The following MAP3K15 variants were observed in gnomAD, a reference collection of about 807,000 sequenced individuals.
MAP3K15 encodes the protein MAPK/ERK kinase kinase 15.
Under a neutral mutation model 99.5 loss-of-function variants are expected in MAP3K15, and 124 were observed. That is an observed-to-expected ratio of 1.25 (90% CI 1.08 to 1.45). MAP3K15 has a LOEUF of 1.45. Ranked by LOEUF, MAP3K15 falls within the 40% of genes most tolerant of loss-of-function variation. MAP3K15 has a pLI of 0.00. For missense variants in MAP3K15, 1,242 were observed against 1,079.7 expected (o/e 1.15, Z -2.11); for synonymous variants, 494 against 439.6 (o/e 1.12, Z -1.55).
At chrX:19,405,061 C>T (rs2063637641) in intron 13 of MAP3K15, among the ~76,000 whole-genome samples, 2 of 110,506 alleles carry the variant, frequency 1.8e-5, no homozygotes, top group African/African-American at 6.6e-5. Flanking sequence ...GTGATACCAT[C>T]GAGAGAGTGA....
intron 1 of MAP3K15, among the ~76,000 whole-genome samples, chrX:19,501,134 T>C (rs2064437636): frequency 9.0e-6 from 1 of 111,470 alleles, no homozygotes; most frequent in Non-Finnish European, 1.9e-5. Context: ...GGTCCAGCCA[T>C]GGACTTCTGC....
At chrX:19,433,350 C>T (rs2063898379) in intron 6 of MAP3K15, among the ~76,000 whole-genome samples, 2 of 111,551 alleles carry the variant, frequency 1.8e-5, no homozygotes, top group African/African-American at 6.5e-5. Context: ...ATGCAGGTGG[C>T]ATCACGCAAT....
intron 9 of MAP3K15, among the ~76,000 whole-genome samples, chrX:19,419,944 G>C (rs368512012): frequency 1.3e-4 from 15 of 111,820 alleles, no homozygotes; most frequent in Non-Finnish European, 2.4e-4. Context: ...TGACTACTGG[G>C]TACATAACGA....
intron 2 of MAP3K15, among the ~76,000 whole-genome samples, chrX:19,488,270 A>G (rs957972031): frequency 8.9e-6 from 1 of 112,208 alleles, no homozygotes; most frequent in Non-Finnish European, 1.9e-5. Context: ...GCAAAAATAC[A>G]TTTTAGAAAT....
intron 6 of MAP3K15, among the ~76,000 whole-genome samples, chrX:19,448,555 G>T (rs1411153614): frequency 9.4e-6 from 1 of 106,898 alleles, no homozygotes; most frequent in Non-Finnish European, 1.9e-5. Context: ...CTGGAGGAAG[G>T]TCCCCCCCTG....
At chrX:19,479,707 T>A (rs1448858676) in intron 3 of MAP3K15, among the ~76,000 whole-genome samples, 1 of 112,499 alleles carries the variant, frequency 8.9e-6, no homozygotes, top group Non-Finnish European at 1.9e-5. Context: ...GCCTTGGGGT[T>A]GGCTGTATTT....
intron 1 of MAP3K15, among the ~76,000 whole-genome samples, chrX:19,492,719 C>A (rs2064376230): frequency 8.9e-6 from 1 of 111,849 alleles, no homozygotes. Context: ...GTAATCCCAG[C>A]ACTTTGGGAG....
intron 18 of MAP3K15, among the ~76,000 whole-genome samples, chrX:19,385,643 C>T (rs138009109): frequency 1.8e-5 from 2 of 111,272 alleles, no homozygotes; most frequent in African/African-American, 6.5e-5. Context: ...GAAGGTTAGG[C>T]AGAGGAAGCA....
intron 3 of MAP3K15, among the ~76,000 whole-genome samples, chrX:19,468,416 A>G (rs1372622254): frequency 1.8e-5 from 2 of 112,063 alleles, no homozygotes; most frequent in Non-Finnish European, 3.8e-5. Flanking sequence ...ACAATCAGCT[A>G]AGGAGGGAGA....
At chrX:19,487,365 T>G (rs67875915) in intron 2 of MAP3K15, among the ~76,000 whole-genome samples, 14,385 of 110,788 alleles carry the variant, frequency 0.13, 828 homozygotes, top group Middle Eastern at 0.2. Context: ...TTGAAGAAAC[T>G]GTCCTAAATT....
At chrX:19,490,790 T>A (rs2064363735) in intron 1 of MAP3K15, among the ~76,000 whole-genome samples, 1 of 109,621 alleles carries the variant, frequency 9.1e-6, no homozygotes, top group African/African-American at 3.3e-5. Flanking sequence ...ACCCTGGAGT[T>A]GCACCCTGTA....
chrX:19,511,203 A>C (rs930874109), intron 1 of MAP3K15, among the ~76,000 whole-genome samples: 2 of 112,326 alleles, frequency 1.8e-5, no homozygotes, highest in Non-Finnish European at 3.8e-5. Flanking sequence ...GTAAGACCTA[A>C]AACCATAAAA....
intron 1 of MAP3K15, among the ~76,000 whole-genome samples, chrX:19,510,824 G>T (rs2064512721): frequency 8.9e-6 from 1 of 112,205 alleles, no homozygotes; most frequent in African/African-American, 3.2e-5. Context: ...TCCTTAAGCT[G>T]ATAAACAACT....
chrX:19,465,437 T>C (rs765054110), intron 3 of MAP3K15, among the ~76,000 whole-genome samples: 1 of 110,514 alleles, frequency 9.0e-6, no homozygotes, highest in East Asian at 2.9e-4. Context: ...CAGCTATTGG[T>C]ATTAAGTCTG....
At chrX:19,484,776 T>C (rs901214335) in intron 3 of MAP3K15, among the ~76,000 whole-genome samples, 1 of 112,231 alleles carries the variant, frequency 8.9e-6, no homozygotes, top group Non-Finnish European at 1.9e-5. Context: ...GGTTACATCT[T>C]TTTGCTTGTA....
At chrX:19,500,323 T>C (rs1441402468) in intron 1 of MAP3K15, among the ~76,000 whole-genome samples, 2 of 111,708 alleles carry the variant, frequency 1.8e-5, no homozygotes, top group South Asian at 7.5e-4. Context: ...AAAGAAGAAA[T>C]GAGAACAGCA....
At chrX:19,501,148 C>T (rs747807218) in intron 1 of MAP3K15, among the ~76,000 whole-genome samples, 3 of 111,443 alleles carry the variant, frequency 2.7e-5, no homozygotes, top group East Asian at 2.8e-4. Flanking sequence ...CTTCTGCAGC[C>T]GGGGGTCCCT....
chrX:19,492,113 C>T (rs1316993056), intron 1 of MAP3K15, among the ~76,000 whole-genome samples: 1 of 109,794 alleles, frequency 9.1e-6, no homozygotes, highest in Non-Finnish European at 1.9e-5. Flanking sequence ...CTGTGAGCCA[C>T]TGCTCCTGGC....
chrX:19,464,082 T>C, intron 4 of MAP3K15, 131 bp downstream of exon 4: 1 of 517,150 alleles, frequency 1.9e-6, no homozygotes, highest in Non-Finnish European at 3.0e-6. Context: ...GTGGCCCAGC[T>C]AAGTGAGCCA....
Sources: allele counts gnomAD v4.1 joint callset (sites outside exome capture counted in the v4.1 genomes callset), GRCh38; gene constraint gnomAD v4.1.1; transcripts MANE v1.5; gene names NCBI Gene and HGNC (gene_info 2026-07-23, HGNC 2026-07-21).